ARHGAP28: variants seen among roughly 807,000 people sequenced by gnomAD.
The protein encoded by ARHGAP28 is rho GTPase-activating protein 28.
In ARHGAP28, 56 loss-of-function variants were observed where a neutral mutation model predicts 90.7. The observed-to-expected ratio is 0.62, with a 90% CI of 0.50 to 0.77. ARHGAP28 has a LOEUF of 0.77. Among genes scored for constraint, ARHGAP28 ranks in the 30% least tolerant of loss-of-function variants. The pLI, the probability that ARHGAP28 is intolerant of heterozygous loss-of-function variation, is 0.00. For synonymous variants in ARHGAP28, 308 were observed against 323.3 expected (o/e 0.95, Z 0.51); for missense variants, 869 against 900.9 (o/e 0.96, Z 0.45).
At chr18:6,864,193 G>A (rs1193755234) in intron 5 of ARHGAP28, among the ~76,000 whole-genome samples, 1 of 152,076 alleles carries the variant, frequency 6.6e-6, no homozygotes, top group Non-Finnish European at 1.5e-5. Flanking sequence ...TGCCTCCCCA[G>A]TAGCTGGGAC....
At chr18:6,902,734 C>T (rs1473209839) in intron 16 of ARHGAP28, among the ~76,000 whole-genome samples, 1 of 152,204 alleles carries the variant, frequency 6.6e-6, no homozygotes, top group Non-Finnish European at 1.5e-5. Context: ...TAAAATGCTA[C>T]AGCCACTGTA....
chr18:6,896,682 A>T, intron 16 of ARHGAP28, 56 bp downstream of exon 16: 5 of 1,595,622 alleles, frequency 3.1e-6, no homozygotes, highest in Non-Finnish European at 4.3e-6. Context: ...TTATCAGATG[A>T]ATAACTTTCT....
At chr18:6,858,444 T>G (rs1233838577) in intron 4 of ARHGAP28, among the ~76,000 whole-genome samples, 1 of 152,204 alleles carries the variant, frequency 6.6e-6, no homozygotes, top group African/African-American at 2.4e-5. Flanking sequence ...CCAGTGCTAT[T>G]CAAAACCTTT....
At chr18:6,777,813 A>G (rs2056296729) in intron 1 of ARHGAP28, among the ~76,000 whole-genome samples, 1 of 152,158 alleles carries the variant, frequency 6.6e-6, no homozygotes, top group Non-Finnish European at 1.5e-5. Context: ...AGAAGAATGG[A>G]CAAGGTTGTG....
chr18:6,786,143 C>T (rs1305013933), intron 1 of ARHGAP28, among the ~76,000 whole-genome samples: 1 of 152,142 alleles, frequency 6.6e-6, no homozygotes, highest in Non-Finnish European at 1.5e-5. Context: ...AGTATTTTGA[C>T]GTGGAGTGAC....
intron 11 of ARHGAP28, among the ~76,000 whole-genome samples, chr18:6,884,364 A>C (rs1253333779): frequency 4.0e-5 from 6 of 151,782 alleles, no homozygotes; most frequent in Non-Finnish European, 8.8e-5. Context: ...ACAGAGCAAG[A>C]CTCTGTCTCA....
intron 1 of ARHGAP28, among the ~76,000 whole-genome samples, chr18:6,802,396 A>AGTGCAGTG (rs2056488811): frequency 8.6e-6 from 1 of 116,058 alleles, no homozygotes; most frequent in Non-Finnish European, 1.6e-5. Flanking sequence ...CCCAGGCTGG[A>AGTGCAGTG]GTGCAGTGGC....
intron 7 of ARHGAP28, among the ~76,000 whole-genome samples, chr18:6,871,374 A>C (rs955557231): frequency 2.6e-5 from 4 of 152,188 alleles, no homozygotes; most frequent in Admixed American, 6.5e-5. Flanking sequence ...CTACCTTTAC[A>C]CACTTGTGCC....
chr18:6,826,618 C>A (rs1318839679), intron 2 of ARHGAP28, among the ~76,000 whole-genome samples: 1 of 151,526 alleles, frequency 6.6e-6, no homozygotes, highest in Non-Finnish European at 1.5e-5. Flanking sequence ...TGAGCCTGCC[C>A]CAGCACACTC....
chr18:6,780,066 A>G (rs1025623162), intron 1 of ARHGAP28, among the ~76,000 whole-genome samples: 1 of 152,168 alleles, frequency 6.6e-6, no homozygotes, highest in African/African-American at 2.4e-5. Flanking sequence ...TGCTTGTTGG[A>G]CATGAGCTGG....
At chr18:6,739,697 T>A (rs1184896167) in intron 1 of ARHGAP28, among the ~76,000 whole-genome samples, 1 of 150,966 alleles carries the variant, frequency 6.6e-6, no homozygotes, top group East Asian at 1.9e-4. Flanking sequence ...GGGCAGGTTT[T>A]AATCCTTTAA....
At chr18:6,743,113 G>A (rs1328731010) in intron 1 of ARHGAP28, among the ~76,000 whole-genome samples, 1 of 152,092 alleles carries the variant, frequency 6.6e-6, no homozygotes, top group East Asian at 1.9e-4. Context: ...TAGTGAGAAG[G>A]AAGAGAGAGA....
intron 3 of ARHGAP28, among the ~76,000 whole-genome samples, chr18:6,850,564 T>G (rs2056902101): frequency 6.6e-6 from 1 of 152,248 alleles, no homozygotes; most frequent in Non-Finnish European, 1.5e-5. Context: ...CTACAGGATG[T>G]CTGGACATCA....
chr18:6,762,829 C>G (rs1210327033), intron 1 of ARHGAP28, among the ~76,000 whole-genome samples: 2 of 151,684 alleles, frequency 1.3e-5, no homozygotes, highest in South Asian at 4.2e-4. Flanking sequence ...ATTTCCAGAA[C>G]TGTGAGAAAA....
At chr18:6,814,429 G>C (rs2056576856) in intron 1 of ARHGAP28, among the ~76,000 whole-genome samples, 1 of 152,154 alleles carries the variant, frequency 6.6e-6, no homozygotes, top group Non-Finnish European at 1.5e-5. Context: ...CGAGAAAACA[G>C]ACAAAGGAAA....
At chr18:6,887,091 C>T (rs1352632288) in intron 11 of ARHGAP28, 66 bp from the exon 12 acceptor site, 1 of 1,438,804 alleles carries the variant, frequency 7.0e-7, no homozygotes, top group Non-Finnish European at 9.8e-7. Flanking sequence ...CAGATGCTAG[C>T]AAGAAATGCT....
At chr18:6,829,787 G>A (rs576300771) in intron 2 of ARHGAP28, among the ~76,000 whole-genome samples, 1 of 152,258 alleles carries the variant, frequency 6.6e-6, no homozygotes, top group South Asian at 2.1e-4. Flanking sequence ...GATATCAATC[G>A]TTTATTTCTT....
intron 1 of ARHGAP28, among the ~76,000 whole-genome samples, chr18:6,772,012 ATAT>A (rs1358785139): frequency 6.6e-6 from 1 of 152,202 alleles, no homozygotes; most frequent in Non-Finnish European, 1.5e-5. Context: ...AATATGTAAA[ATAT>A]TATGTATCAA....
intron 2 of ARHGAP28, among the ~76,000 whole-genome samples, chr18:6,831,435 G>A (rs1200593413): frequency 9.5e-5 from 14 of 146,840 alleles, no homozygotes; most frequent in Admixed American, 8.1e-4. Context: ...GTTTGTTGCT[G>A]GCATATAGAA....
Sources: allele counts gnomAD v4.1 joint callset (sites outside exome capture counted in the v4.1 genomes callset), GRCh38; gene constraint gnomAD v4.1.1; transcripts MANE v1.5; gene names NCBI Gene and HGNC (gene_info 2026-07-23, HGNC 2026-07-21).